Variants in PUS1 observed in about 807,000 individuals in gnomAD.
The protein encoded by PUS1 is pseudouridylate synthase 1 homolog.
Under a neutral mutation model 38.5 loss-of-function variants are expected in PUS1, and 25 were observed. That is an observed-to-expected ratio of 0.65 (90% CI 0.47 to 0.91). PUS1 has a LOEUF of 0.91. Ranked by LOEUF, PUS1 falls within the 40% of genes least tolerant of loss-of-function variation. The pLI is 0.00. For missense variants in PUS1, 597 were observed against 612.3 expected, an observed-to-expected ratio of 0.97 and a Z score of 0.26; for synonymous variants, 282 against 260.4, an observed-to-expected ratio of 1.08 and a Z score of -0.80.
In PUS1 at chr12:131,941,777, A is replaced by G. The variant is rs948176536; in HGVS notation, c.1030A>G (p.Asn344Asp). Residue 344 changes from asparagine to aspartate, a missense_variant, in exon 5 of 6, where the codon AAC becomes GAC. By Grantham distance (23) the Asn-to-Asp change is conservative. Transcript: ENST00000376649. The surrounding 1 kb of genome is among the most constrained non-coding windows in gnomAD (Gnocchi z 4.4). ...GGAGAGGGTGCACTTCGAGAAGTAC[A>G]ACCAGCGCTTTGGCAACGATGGGCT... ...VLERVHFEKY[N>D]QRFGNDGLHE... The G allele has an allele frequency of 1.2e-6, 2 of 1,613,440 alleles. No homozygotes were observed. Among genetic ancestry groups the G allele is most frequent in the African/African-American group, 2.7e-5 (2 of 74,922 alleles).
chr12:131,929,771 C>G lies in PUS1; in HGVS notation c.49C>G (p.Leu17Val), dbSNP rs747124823. 1.3e-6 allele frequency: 2 copies of G among 1,591,996 alleles called. No individual in the cohort carries two copies. Among genetic ancestry groups the G allele is most frequent in the Non-Finnish European group, 1.7e-6 (2 of 1,176,898 alleles). ...GTTGGGAGCCTTCGGACGGTGGACC[C>G]TGCGCCTGGGACCGCGTCCGTCCTG... ...ALLGAFGRWT[L>V]RLGPRPSCSP... The change falls in exon 1 of 6, where the codon CTG (leucine) becomes GTG (valine). Residue 17 changes from leucine to valine, a missense_variant. By Grantham distance (32) the Leu-to-Val change is conservative. Coordinates refer to ENST00000376649, the MANE Select transcript of PUS1 (RefSeq NM_025215.6).
intron 3 of PUS1, among the ~76,000 whole-genome samples, chr12:131,936,418 C>T (rs1160517185): frequency 9.6e-6 from 1 of 104,636 alleles, no homozygotes; most frequent in East Asian, 2.2e-4. Context: ...CAAAAATTAG[C>T]CAGGTGTGGT....
At chr12:131,939,603 C>T (rs996355867) in intron 4 of PUS1, among the ~76,000 whole-genome samples, 1 of 152,236 alleles carries the variant, frequency 6.6e-6, no homozygotes. Flanking sequence ...ATGTGACTGT[C>T]TACCTTTTAA....
rs560591509 is a variant in PUS1 at position 131,931,338 on chromosome 12, T to C, written c.304-837T>C. On this transcript the variant is annotated intron_variant, in intron 2 of 5. Coordinates refer to ENST00000376649, the MANE Select transcript of PUS1 (RefSeq NM_025215.6). ...CACGCCCATCTAGTTTTTGTATTTT[T>C]AGTAGAGACGGGGTTTCACCATGTT... is the stretch of plus-strand genomic sequence containing the variant. 3.9e-5 allele frequency among the ~76,000 whole-genome samples: 6 copies of C among 152,188 alleles called. No individual in the cohort carries two copies. In the East Asian group the frequency reaches 1.2e-3, roughly 29 times the overall value.
intron 3 of PUS1, among the ~76,000 whole-genome samples, chr12:131,937,587 G>A (rs1890884202): frequency 6.6e-6 from 1 of 152,148 alleles, no homozygotes; most frequent in African/African-American, 2.4e-5. Flanking sequence ...TGTTGGTAAG[G>A]CTAGTCTCGA....
Position 131,942,901 on chromosome 12 carries a change from C to T in PUS1, c.1237-638C>T, listed in dbSNP as rs552332299. Among the ~76,000 whole-genome samples the T allele has an allele frequency of 7.9e-5, 12 of 152,326 alleles. No homozygotes were observed. The East Asian group carries it at 1.7e-3, about 22-fold the overall frequency. On this transcript the variant is annotated intron_variant, in intron 5 of 5. Transcript: ENST00000376649. Reference sequence around the variant, plus strand: ...GCGAGGGGCCAGGCACCTGGCGAGCCGTCCTATAGATGGGGCGATGAGAGG... The same window carrying T: ...GCGAGGGGCCAGGCACCTGGCGAGCTGTCCTATAGATGGGGCGATGAGAGG...
At chr12:131,940,515 CAT>C (rs1891018233) in intron 4 of PUS1, among the ~76,000 whole-genome samples, 1 of 152,196 alleles carries the variant, frequency 6.6e-6, no homozygotes, top group Non-Finnish European at 1.5e-5. Context: ...AGAACATTTA[CAT>C]ATGAGTCATA....
intron 5 of PUS1, among the ~76,000 whole-genome samples, chr12:131,942,720 C>T (rs1891145833): frequency 6.6e-6 from 1 of 152,204 alleles, no homozygotes; most frequent in Admixed American, 6.5e-5. Context: ...TGAGTTCTTT[C>T]ATGGTGGCCC....
intron 3 of PUS1, chr12:131,934,595 T>C (rs1314541348): frequency 6.6e-6 from 1 of 152,246 alleles, no homozygotes; most frequent in Non-Finnish European, 1.5e-5. Context: ...ATCCTATTTC[T>C]AGTATAACTT....
chr12:131,932,004 T>C (rs760444953), intron 2 of PUS1, 171 bp from the exon 3 acceptor site: 1 of 706,044 alleles, frequency 1.4e-6, no homozygotes, highest in South Asian at 1.5e-5. Flanking sequence ...GGCCCCAGGG[T>C]GAGTGAGCAG....
rs1891243458 is a variant in PUS1 at position 131,945,096 on chromosome 12, C to CTGA, written c.*1510_*1511insTGA. The CTGA allele has an allele frequency of 6.6e-6, 1 of 152,312 alleles. No individual in the cohort carries two copies. Among genetic ancestry groups the CTGA allele is most frequent in the Non-Finnish European group, 1.5e-5 (1 of 68,078 alleles). 9.4% of individuals were successfully genotyped at this position (152,312 alleles called of 1,614,324 possible). ...GGTGCACACAACTAATGCGCATGCG[C>CTGA]CTGACGTGCCAACAATGCATGTGAC... On this transcript the variant is annotated 3_prime_UTR_variant, in exon 6 of 6. Coordinates refer to ENST00000376649, the MANE Select transcript of PUS1 (RefSeq NM_025215.6).
chr12:131,939,333 C>G (rs964820141), intron 4 of PUS1, 58 bp downstream of exon 4: 2 of 1,088,374 alleles, frequency 1.8e-6, no homozygotes, highest in African/African-American at 1.6e-5. Context: ...TGCAGAGACA[C>G]GAGGCTATGC....
intron 3 of PUS1, among the ~76,000 whole-genome samples, chr12:131,933,638 T>C (rs1890705344): frequency 6.6e-6 from 1 of 152,212 alleles, no homozygotes; most frequent in Non-Finnish European, 1.5e-5. Context: ...CAAGTGGTCC[T>C]GTGACGCCAC....
At chr12:131,939,748 G>A (rs1397967708) in intron 4 of PUS1, among the ~76,000 whole-genome samples, 7 of 151,992 alleles carry the variant, frequency 4.6e-5, no homozygotes, top group South Asian at 2.1e-4. Flanking sequence ...TCCGCCTCCC[G>A]GGTTCAAGCA....
intron 2 of PUS1, 94 bp from the exon 3 acceptor site, chr12:131,932,081 G>A: frequency 1.9e-6 from 2 of 1,052,914 alleles, no homozygotes; most frequent in Non-Finnish European, 2.9e-6. Context: ...GAGGCCAGAG[G>A]AGTAAGCGGC....
intron 5 of PUS1, among the ~76,000 whole-genome samples, chr12:131,942,891 C>T (rs911506275): frequency 2.0e-5 from 3 of 152,208 alleles, no homozygotes; most frequent in African/African-American, 7.2e-5. Flanking sequence ...GGGCCAGGCA[C>T]CTGGCGAGCC....
chr12:131,945,295 T>A lies in PUS1; in HGVS notation c.*1709T>A, dbSNP rs1306604795. 6.6e-6 allele frequency: 1 copy of A among 152,046 alleles called. No individual in the cohort carries two copies. Among genetic ancestry groups the A allele is most frequent in the Non-Finnish European group, 1.5e-5 (1 of 68,062 alleles). 9.4% of individuals were successfully genotyped at this position (152,046 alleles called of 1,614,324 possible). ...AAGAGAGTGGAGCTGGTTTTAGGGA[T>A]TTTGGCCAGAGGAGCAGTGGGGCTC... is the stretch of plus-strand genomic sequence containing the variant. On this transcript the variant is annotated 3_prime_UTR_variant, in exon 6 of 6. Transcript: ENST00000376649.
Position 131,943,663 on chromosome 12 carries a change from C to A in PUS1, c.*77C>A. ...CCAGATGTGCCACCCCTGTGGGCAG[C>A]AAGAAGCTGGGATCGCTGCAGCCAT... is the stretch of plus-strand genomic sequence containing the variant. On this transcript the variant is annotated 3_prime_UTR_variant, in exon 6 of 6. Transcript: ENST00000376649. The A allele has an allele frequency of 8.1e-7, 1 of 1,237,650 alleles. No individual in the cohort carries two copies. The highest frequency in any genetic ancestry group is 1.2e-6 in the Non-Finnish European group (1 of 842,446). The allele number at this position is 1,237,650 out of a possible 1,614,324, so 76.7% of individuals were successfully genotyped here. A position where few individuals can be genotyped will look rare whatever the true frequency, so the allele number is the denominator to read the frequency against.
intron 3 of PUS1, among the ~76,000 whole-genome samples, chr12:131,936,594 AGT>A (rs1353405790): frequency 1.3e-5 from 2 of 151,914 alleles, no homozygotes; most frequent in Middle Eastern, 3.2e-3. Context: ...AGAAACAAAA[AGT>A]GTGCGGTTCA....
Sources: gnomAD v4.1 joint callset for allele counts (sites outside exome capture counted in the v4.1 genomes callset) on GRCh38, gnomAD v4.1.1 for gene constraint, Gnocchi (gnomAD v3.1) non-coding constraint, MANE v1.5 for transcripts, NCBI Gene and HGNC (gene_info 2026-07-23, HGNC 2026-07-21) for gene names.